DGCR2: variants seen among roughly 807,000 people sequenced by gnomAD.
DGCR2 encodes the protein integral membrane protein DGCR2/IDD.
DGCR2 carries 24 observed loss-of-function variants against 51.6 expected under a neutral mutation model. The ratio of observed to expected loss-of-function variants is 0.47; its 90% CI spans 0.34 to 0.65. The LOEUF is 0.65. Among genes scored for constraint, DGCR2 ranks in the 30% least tolerant of loss-of-function variants. The pLI is 0.01. For synonymous variants in DGCR2, 340 were observed against 315.4 expected (o/e 1.08, Z -0.82); for missense variants, 765 against 772.1 (o/e 0.99, Z 0.11).
At chr22:19,041,360 G>A in intron 8 of DGCR2, 66 bp from the exon 9 acceptor site, 1 of 1,514,786 alleles carries the variant, frequency 6.6e-7, no homozygotes, top group Non-Finnish European at 9.1e-7. Flanking sequence ...CCTGGCTCCT[G>A]AGCCCCCCAC....
intron 6 of DGCR2, among the ~76,000 whole-genome samples, chr22:19,050,234 T>G (rs569896328): frequency 5.3e-5 from 8 of 152,050 alleles, no homozygotes; most frequent in Admixed American, 5.2e-4. Flanking sequence ...AAGCAGCAAA[T>G]GGGACGTGAC....
chr22:19,054,143 C>G (rs201447090), intron 6 of DGCR2, among the ~76,000 whole-genome samples: 2 of 152,174 alleles, frequency 1.3e-5, no homozygotes, highest in East Asian at 3.8e-4. Context: ...CTGTATGGTA[C>G]TGTATCCATG....
chr22:19,113,613 G>A (rs1384590150), intron 1 of DGCR2, among the ~76,000 whole-genome samples: 1 of 152,136 alleles, frequency 6.6e-6, no homozygotes, highest in Non-Finnish European at 1.5e-5. Context: ...TACAAGATGT[G>A]CCTGGTAAAA....
At chr22:19,114,110 C>T (rs1453526887) in intron 1 of DGCR2, among the ~76,000 whole-genome samples, 2 of 147,392 alleles carry the variant, frequency 1.4e-5, no homozygotes, top group Non-Finnish European at 3.0e-5. Context: ...AATCTTGCCC[C>T]GACCCATTCC....
intron 1 of DGCR2, among the ~76,000 whole-genome samples, chr22:19,117,272 G>A (rs1464811251): frequency 6.6e-6 from 1 of 152,244 alleles, no homozygotes; most frequent in Non-Finnish European, 1.5e-5. Context: ...AAGTGGAGCA[G>A]CGAAGGCGCA....
chr22:19,102,701 CA>C lies in DGCR2; in HGVS notation c.80-13212del, dbSNP rs560913993. Among the ~76,000 whole-genome samples the C allele has an allele frequency of 6.7e-4, 89 of 132,100 alleles. No individual in the cohort carries two copies. The South Asian group carries it at 6.9e-3, about 10-fold the overall frequency. 86.7% of individuals were successfully genotyped at this position (132,100 alleles called of 152,430 possible). A position where few individuals can be genotyped will look rare whatever the true frequency, so the allele number is the denominator to read the frequency against. On this transcript the variant is annotated intron_variant, in intron 1 of 9. Coordinates refer to ENST00000263196, the MANE Select transcript of DGCR2 (RefSeq NM_005137.3). ...TGGGTGACAGAGCGAGACTCCGTCTCAAAAAAAAAAAGGTTAAAATGGGGCT... is the reference window on the plus strand; with the variant it reads ...TGGGTGACAGAGCGAGACTCCGTCTCAAAAAAAAAAGGTTAAAATGGGGCT...
At position 19,038,706 on chromosome 22, in the gene DGCR2, G is replaced by C; in HGVS notation, c.*159C>G. 1.1e-6 allele frequency: 1 copy of C among 944,222 alleles called. No homozygotes were observed. The highest frequency in any genetic ancestry group is 1.6e-6 in the Non-Finnish European group (1 of 635,930). The allele number at this position is 944,222 out of a possible 1,614,324, so 58.5% of individuals were successfully genotyped here. A position where few individuals can be genotyped will look rare whatever the true frequency, so the allele number is the denominator to read the frequency against. On this transcript the variant is annotated 3_prime_UTR_variant, in exon 10 of 10. Coordinates refer to ENST00000263196, the MANE Select transcript of DGCR2 (RefSeq NM_005137.3). The stretch of plus-strand genomic sequence containing the variant: ...CAGGCCATCACTTCTTTTGGCAGAA[G>C]GCGGGCTGTGGTCTCTATGTACACA...
chr22:19,084,808 T>TG (rs369480100), intron 2 of DGCR2, among the ~76,000 whole-genome samples: 75 of 112,478 alleles, frequency 6.7e-4, no homozygotes, highest in Non-Finnish European at 6.1e-4. Context: ...GGGAAGGAGG[T>TG]GGGGGGGCGC....
chr22:19,050,159 A>C (rs1417423827), intron 6 of DGCR2, among the ~76,000 whole-genome samples: 1 of 152,260 alleles, frequency 6.6e-6, no homozygotes, highest in East Asian at 1.9e-4. Flanking sequence ...ATAAATGCAA[A>C]GGAGCCACAA....
At chr22:19,082,775 A>AAAAG (rs769564930) in intron 2 of DGCR2, among the ~76,000 whole-genome samples, 22 of 151,348 alleles carry the variant, frequency 1.5e-4, no homozygotes, top group Admixed American at 2.6e-4. Context: ...AACAGAAAAA[A>AAAAG]AAAGAAAGAA....
At chr22:19,053,365 A>G (rs5993482) in intron 6 of DGCR2, among the ~76,000 whole-genome samples, 62,772 of 152,008 alleles carry the variant, frequency 0.41, 13,410 homozygotes, top group African/African-American at 0.53. Context: ...CTAGAGATGT[A>G]GCCCAAAGGG....
chr22:19,043,857 T>G (rs1288463274), intron 7 of DGCR2, among the ~76,000 whole-genome samples: 1 of 152,140 alleles, frequency 6.6e-6, no homozygotes, highest in African/African-American at 2.4e-5. Flanking sequence ...CCAGGAAGCA[T>G]CTCCAAAAGC....
intron 2 of DGCR2, among the ~76,000 whole-genome samples, chr22:19,088,772 A>G (rs1035051832): frequency 1.2e-4 from 18 of 152,358 alleles, no homozygotes; most frequent in Non-Finnish European, 2.1e-4. Context: ...CAACGGATCC[A>G]GTGAACATTG....
chr22:19,113,796 T>G (rs543760916), intron 1 of DGCR2, among the ~76,000 whole-genome samples: 1 of 152,270 alleles, frequency 6.6e-6, no homozygotes, highest in South Asian at 2.1e-4. Flanking sequence ...CAGTGGCTCA[T>G]GCCTGTAATC....
intron 1 of DGCR2, among the ~76,000 whole-genome samples, chr22:19,107,461 AGTG>A (rs2083271146): frequency 6.6e-6 from 1 of 152,260 alleles, no homozygotes; most frequent in Non-Finnish European, 1.5e-5. Context: ...CAGGAGAAGA[AGTG>A]ATCACCACCT....
chr22:19,063,011 C>T (rs1030695080), intron 5 of DGCR2, among the ~76,000 whole-genome samples, 191 bp downstream of exon 5: 7 of 152,186 alleles, frequency 4.6e-5, no homozygotes, highest in Non-Finnish European at 1.0e-4. Context: ...ACAGCCACCG[C>T]CCAATGCAGG....
chr22:19,046,769 G>T (rs1291287472), intron 7 of DGCR2: 1 of 446,792 alleles, frequency 2.2e-6, no homozygotes, highest in African/African-American at 2.0e-5. Flanking sequence ...CCGTGCAGGA[G>T]AGAGGGCTGC....
chr22:19,039,221 G>A, intron 9 of DGCR2, 100 bp from the exon 10 acceptor site: 4 of 1,478,784 alleles, frequency 2.7e-6, no homozygotes, highest in Non-Finnish European at 3.7e-6. Context: ...CCTGCCTGAA[G>A]GCCCCCCTGA....
chr22:19,084,712 G>A lies in DGCR2; in HGVS notation c.202+4656C>T, dbSNP rs1375764213. Among the ~76,000 whole-genome samples, 12 of 114,662 alleles carry A rather than the reference G, an allele frequency of 1.0e-4. 2 individuals are homozygous for A. The highest frequency in any genetic ancestry group is 3.5e-4 in the African/African-American group (12 of 34,110). The allele number at this position is 114,662 out of a possible 152,430, so 75.2% of individuals were successfully genotyped here. A position where few individuals can be genotyped will look rare whatever the true frequency, so the allele number is the denominator to read the frequency against. ...GGCCAGCTGCCCCGTCCGGGAGGGA[G>A]GTGGGGGGTCAGCCCCCGCCCGGCC... is the stretch of plus-strand genomic sequence containing the variant. On this transcript the variant is annotated intron_variant, in intron 2 of 9. Coordinates refer to ENST00000263196, the MANE Select transcript of DGCR2 (RefSeq NM_005137.3).
Sources: allele counts gnomAD v4.1 joint callset (sites outside exome capture counted in the v4.1 genomes callset), GRCh38; gene constraint gnomAD v4.1.1; transcripts MANE v1.5; gene names NCBI Gene and HGNC (gene_info 2026-07-23, HGNC 2026-07-21).